The following LRBA variants were observed in gnomAD, a reference collection of about 807,000 sequenced individuals.
LRBA encodes the protein LPS responsive beige-like anchor protein, also known as lipopolysaccharide-responsive and beige-like anchor protein.
LRBA carries 176 observed loss-of-function variants against 330.0 expected under a neutral mutation model. The ratio of observed to expected loss-of-function variants is 0.53; its 90% CI spans 0.47 to 0.60. The LOEUF is 0.60. Ranked by LOEUF, LRBA falls within the 20% of genes least tolerant of loss-of-function variation. LRBA has a pLI of 0.00. For synonymous variants in LRBA, 1,230 were observed against 1,193.0 expected, an observed-to-expected ratio of 1.03 and a Z score of -0.64; for missense variants, 3,259 against 3,444.8, an observed-to-expected ratio of 0.95 and a Z score of 1.35.
chr4:150,842,899 G>A (rs185006399), intron 28 of LRBA, among the ~76,000 whole-genome samples: 3 of 152,126 alleles, frequency 2.0e-5, no homozygotes, highest in Admixed American at 2.0e-4. Context: ...GGACCTGTAG[G>A]GGGTAAGAGG....
At chr4:150,577,445 T>A (rs1770692715) in intron 40 of LRBA, among the ~76,000 whole-genome samples, 1 of 151,368 alleles carries the variant, frequency 6.6e-6, no homozygotes, top group African/African-American at 2.4e-5. Context: ...TTTTCATAAG[T>A]ATGTAGAATG....
intron 2 of LRBA, among the ~76,000 whole-genome samples, chr4:150,968,192 T>C (rs1361277688): frequency 6.6e-6 from 1 of 151,966 alleles, no homozygotes; most frequent in African/African-American, 2.4e-5. Flanking sequence ...TTAGTAGGGA[T>C]GGGGTTTCAC....
In LRBA at chr4:150,937,341, G is replaced by A. The variant is rs1411502249; in HGVS notation, c.217-8276C>T. On this transcript the variant is annotated intron_variant, in intron 2 of 56. Coordinates refer to ENST00000651943, the MANE Select transcript of LRBA (RefSeq NM_001364905.1). The stretch of plus-strand genomic sequence containing the variant: ...ACACAAATTTGTTTCCAATGACAGG[G>A]ATCATAATCCAGGTACAGGCATTGG... Among the ~76,000 whole-genome samples the A allele has an allele frequency of 2.6e-5, 4 of 152,050 alleles. No homozygotes were observed. The East Asian group carries it at 7.7e-4, about 29-fold the overall frequency.
intron 35 of LRBA, among the ~76,000 whole-genome samples, chr4:150,760,076 G>A (rs1560779670): frequency 4.6e-5 from 7 of 152,128 alleles, no homozygotes; most frequent in East Asian, 1.9e-4. Flanking sequence ...TCTGTTCATG[G>A]GTGTTTTGCA....
At chr4:150,525,111 G>A (rs1357946702) in intron 40 of LRBA, among the ~76,000 whole-genome samples, 1 of 151,994 alleles carries the variant, frequency 6.6e-6, no homozygotes, top group African/African-American at 2.4e-5. Flanking sequence ...TATATGTACT[G>A]AAAACAGACT....
chr4:150,342,333 T>TA (rs1413278760), intron 48 of LRBA, among the ~76,000 whole-genome samples: 2 of 151,900 alleles, frequency 1.3e-5, no homozygotes, highest in Non-Finnish European at 2.9e-5. Flanking sequence ...TAGAATAGAT[T>TA]AAAAAAATGT....
At chr4:150,279,960 T>C (rs1443313011) in intron 55 of LRBA, among the ~76,000 whole-genome samples, 3 of 152,230 alleles carry the variant, frequency 2.0e-5, no homozygotes, top group Non-Finnish European at 4.4e-5. Flanking sequence ...ACTGGATAAG[T>C]GTTATACTAA....
chr4:150,916,925 A>G (rs1381632218), intron 5 of LRBA, among the ~76,000 whole-genome samples, 187 bp from the exon 6 acceptor site: 7 of 152,184 alleles, frequency 4.6e-5, no homozygotes, highest in African/African-American at 1.7e-4. Flanking sequence ...AGGCCGAGGC[A>G]GGTGCATCAC....
At chr4:150,867,936 CA>C in intron 21 of LRBA, 73 bp from the exon 22 acceptor site, 1 of 1,246,936 alleles carries the variant, frequency 8.0e-7, no homozygotes. Context: ...AGGTTTAAAA[CA>C]AAATAACCCT....
intron 43 of LRBA, among the ~76,000 whole-genome samples, chr4:150,471,135 G>T (rs1039003414): frequency 2.0e-5 from 3 of 152,012 alleles, no homozygotes; most frequent in African/African-American, 7.2e-5. Flanking sequence ...AAAATATACA[G>T]TATATACATA....
chr4:150,387,961 G>A (rs774922184), intron 47 of LRBA, among the ~76,000 whole-genome samples: 1 of 152,140 alleles, frequency 6.6e-6, no homozygotes, highest in Non-Finnish European at 1.5e-5. Context: ...TAAAAGACTC[G>A]GGGTGTTTTA....
At chr4:150,327,583 A>T (rs1385322589) in intron 48 of LRBA, among the ~76,000 whole-genome samples, 2 of 152,242 alleles carry the variant, frequency 1.3e-5, no homozygotes, top group Admixed American at 1.3e-4. Context: ...CAGATGGCTC[A>T]GAGTGCTAAT....
chr4:150,869,792 T>C (rs577739337), intron 20 of LRBA, among the ~76,000 whole-genome samples: 3 of 152,254 alleles, frequency 2.0e-5, no homozygotes, highest in Admixed American at 6.5e-5. Context: ...AGTAGGCTCA[T>C]GCCTGTAATA....
At chr4:150,588,270 T>C (rs764824866) in intron 39 of LRBA, 86 bp from the exon 40 acceptor site, 28 of 1,399,446 alleles carry the variant, frequency 2.0e-5, no homozygotes, top group Non-Finnish European at 2.7e-5. Context: ...TTTAATCTTT[T>C]CATTCTCACG....
intron 4 of LRBA, among the ~76,000 whole-genome samples, chr4:150,921,830 A>T (rs1342459922): frequency 2.0e-5 from 3 of 152,084 alleles, no homozygotes; most frequent in Non-Finnish European, 4.4e-5. Flanking sequence ...GGTTCAAGCG[A>T]TTCTCCTGCC....
Position 150,302,695 on chromosome 4 carries a change from C to A in LRBA, c.7947G>T (p.Gly2649=). 1 of 1,613,084 alleles carries A rather than the reference C, an allele frequency of 6.2e-7. No homozygotes were observed. Among genetic ancestry groups the A allele is most frequent in the Non-Finnish European group, 8.5e-7 (1 of 1,179,368 alleles). Residue 2649 remains glycine (G), a synonymous_variant, in exon 53 of 57, where the codon GGG becomes GGT. Coordinates refer to ENST00000651943, the MANE Select transcript of LRBA (RefSeq NM_001364905.1). ...YIGGNCYILS[G]SRDATLLLWY... is the part of the protein sequence containing the mutation. ...ACAGCAAAAGAGTTGCATCACGTGA[C>A]CCTGAGAGAATGTAGCAATTTCCCC...
chr4:150,391,094 T>C (rs192424048), intron 47 of LRBA, among the ~76,000 whole-genome samples: 1 of 152,296 alleles, frequency 6.6e-6, no homozygotes, highest in East Asian at 1.9e-4. Flanking sequence ...GCAAAAATGA[T>C]GTGCCCAACT....
chr4:150,533,276 G>T (rs1368254277), intron 40 of LRBA, among the ~76,000 whole-genome samples: 1 of 151,994 alleles, frequency 6.6e-6, no homozygotes, highest in Non-Finnish European at 1.5e-5. Flanking sequence ...AACTTCCTGG[G>T]CTCAAGCAAT....
intron 30 of LRBA, among the ~76,000 whole-genome samples, chr4:150,818,602 T>G (rs1744969004): frequency 1.3e-5 from 2 of 151,516 alleles, no homozygotes; most frequent in South Asian, 4.2e-4. Context: ...GTATTAGTGG[T>G]ACCTTCAAAA....
Sources: allele counts gnomAD v4.1 joint callset (sites outside exome capture counted in the v4.1 genomes callset), GRCh38; gene constraint gnomAD v4.1.1; transcripts MANE v1.5; gene names NCBI Gene and HGNC (gene_info 2026-07-23, HGNC 2026-07-21).